The following EPM2A variants were observed in gnomAD, a reference collection of about 807,000 sequenced individuals.
EPM2A encodes the protein EPM2A glucan phosphatase, laforin, also known as laforin.
Under a neutral mutation model 26.5 loss-of-function variants are expected in EPM2A, and 21 were observed. The ratio of observed to expected loss-of-function variants is 0.79; its 90% CI spans 0.56 to 1.14. The LOEUF (loss-of-function observed/expected upper bound fraction) is 1.14, where lower values mean the gene tolerates loss of function less well. Among genes scored for constraint, EPM2A ranks in the 50% most tolerant of loss-of-function variants. The pLI is 0.00. For missense variants in EPM2A, 458 were observed against 440.8 expected (o/e 1.04, Z -0.35); for synonymous variants, 217 against 177.6 (o/e 1.22, Z -1.76).
At chr6:145,664,801 A>C (rs1289130061) in intron 2 of EPM2A, among the ~76,000 whole-genome samples, 1 of 152,082 alleles carries the variant, frequency 6.6e-6, no homozygotes, top group Admixed American at 6.5e-5. Context: ...AACAGAAATT[A>C]TAACAAACTG....
rs117539483 is a variant in EPM2A at position 145,467,818 on chromosome 6, T to C, written c.555+34704A>G. Among the ~76,000 whole-genome samples, 718 of 152,232 alleles carry C rather than the reference T, an allele frequency of 4.7e-3. 24 individuals are homozygous for C. In the East Asian group the frequency reaches 0.086, roughly 18 times the overall value. On this transcript the variant is annotated intron_variant, in intron 4 of 4. Coordinates refer to the EPM2A transcript ENST00000638717. ...TCGTAACAGTCTTTCAGATCTTTTG[T>C]TAGGTTTAATTCTCCCTGTTTTTTA...
intron 2 of EPM2A, among the ~76,000 whole-genome samples, chr6:145,682,875 T>A (rs1780644348): frequency 6.6e-6 from 1 of 152,166 alleles, no homozygotes; most frequent in South Asian, 2.1e-4. Context: ...AGTCTGTAAT[T>A]ACAAATTCTT....
At chr6:145,668,292 C>G (rs6570708) in intron 2 of EPM2A, among the ~76,000 whole-genome samples, 7 of 151,904 alleles carry the variant, frequency 4.6e-5, no homozygotes, top group African/African-American at 1.7e-4. Context: ...AAGCAATTAA[C>G]ATAATGGTCA....
At position 145,456,755 on chromosome 6, in the gene EPM2A, G is replaced by A. The variant is rs560640926; in HGVS notation, c.555+45767C>T. ...GTGATACATACTTACATGAACAACA[G>A]AATGAAAAGAAAACAAGAGCAAATA... On this transcript the variant is annotated intron_variant, in intron 4 of 4. Coordinates refer to the EPM2A transcript ENST00000638717. 8.5e-5 allele frequency among the ~76,000 whole-genome samples: 13 copies of A among 152,208 alleles called. No individual in the cohort carries two copies. In the South Asian group the frequency reaches 2.7e-3, roughly 32 times the overall value.
intron 4 of EPM2A, among the ~76,000 whole-genome samples, chr6:145,438,719 G>C (rs112553724): frequency 1.3e-5 from 2 of 152,002 alleles, no homozygotes; most frequent in Admixed American, 1.3e-4. Context: ...TGATCCACCC[G>C]CCTCAGCCTC....
chr6:145,507,455 C>T (rs1481135188), intron 2 of EPM2A, among the ~76,000 whole-genome samples: 1 of 152,146 alleles, frequency 6.6e-6, no homozygotes. Context: ...CACCTTTCCA[C>T]TAGGGATATG....
At chr6:145,706,144 C>A (rs1468590018) in intron 1 of EPM2A, among the ~76,000 whole-genome samples, 3 of 152,126 alleles carry the variant, frequency 2.0e-5, no homozygotes, top group Non-Finnish European at 4.4e-5. Context: ...CAGTTCTGGA[C>A]ATAGTACTTT....
chr6:145,727,434 T>C (rs1325555464), intron 1 of EPM2A, among the ~76,000 whole-genome samples: 1 of 152,064 alleles, frequency 6.6e-6, no homozygotes, highest in Non-Finnish European at 1.5e-5. Flanking sequence ...GAAATGAATA[T>C]CTGCCTTGCA....
intron 2 of EPM2A, among the ~76,000 whole-genome samples, chr6:145,535,091 A>G (rs1232308478): frequency 6.6e-6 from 1 of 152,162 alleles, no homozygotes; most frequent in East Asian, 1.9e-4. Context: ...AATTCAAACA[A>G]CAGAAAAAGA....
chr6:145,441,852 A>G (rs1320770720), intron 4 of EPM2A, among the ~76,000 whole-genome samples: 2 of 152,130 alleles, frequency 1.3e-5, no homozygotes, highest in Non-Finnish European at 1.5e-5. Context: ...ACAGAATGAG[A>G]CTCCATCTCA....
intron 2 of EPM2A, among the ~76,000 whole-genome samples, chr6:145,601,294 TC>T (rs932168789): frequency 7.2e-5 from 11 of 152,316 alleles, no homozygotes; most frequent in Non-Finnish European, 1.3e-4. Flanking sequence ...CTGTTGTTTT[TC>T]CCCTTTTTAT....
At chr6:145,634,823 G>C (rs1776526630) in intron 3 of EPM2A, 1 of 164,704 alleles carries the variant, frequency 6.1e-6, no homozygotes, top group African/African-American at 2.4e-5. Context: ...TTCTTGGCCT[G>C]ATTACCTGTA....
chr6:145,554,126 G>A (rs193058915), intron 2 of EPM2A, among the ~76,000 whole-genome samples: 2 of 151,864 alleles, frequency 1.3e-5, no homozygotes, highest in Non-Finnish European at 2.9e-5. Context: ...TGTGCTGGCT[G>A]CTGGGGATAC....
At chr6:145,551,811 C>A (rs1780659112) in intron 2 of EPM2A, among the ~76,000 whole-genome samples, 1 of 150,152 alleles carries the variant, frequency 6.7e-6, no homozygotes, top group Admixed American at 6.6e-5. Context: ...GAGGGATATA[C>A]CATAGAATCA....
chr6:145,660,587 A>G (rs1368153721), intron 2 of EPM2A, among the ~76,000 whole-genome samples: 1 of 152,172 alleles, frequency 6.6e-6, no homozygotes, highest in Non-Finnish European at 1.5e-5. Flanking sequence ...GGATCACCTG[A>G]GGTCAGGAAT....
At chr6:145,508,913 G>A (rs1321331962) in intron 2 of EPM2A, among the ~76,000 whole-genome samples, 1 of 151,886 alleles carries the variant, frequency 6.6e-6, no homozygotes, top group Non-Finnish European at 1.5e-5. Flanking sequence ...AGAACTTCTG[G>A]AATTGGAAAA....
intron 4 of EPM2A, among the ~76,000 whole-genome samples, chr6:145,449,090 T>A (rs1367259384): frequency 3.3e-5 from 5 of 152,254 alleles, no homozygotes; most frequent in African/African-American, 1.2e-4. Flanking sequence ...TGATGCAGAA[T>A]GTCTAATGAT....
chr6:145,513,940 C>T (rs1471682155), intron 2 of EPM2A, among the ~76,000 whole-genome samples: 2 of 152,144 alleles, frequency 1.3e-5, no homozygotes, highest in African/African-American at 4.8e-5. Context: ...TGCAAATAGG[C>T]AAGGAGCTCT....
At chr6:145,637,592 G>T (rs888277918) in intron 2 of EPM2A, 5 of 152,060 alleles carry the variant, frequency 3.3e-5, no homozygotes, top group Non-Finnish European at 7.4e-5. Context: ...AATGGCAAAA[G>T]ACTTAATGGT....
Sources: allele counts gnomAD v4.1 joint callset (sites outside exome capture counted in the v4.1 genomes callset), GRCh38; gene constraint gnomAD v4.1.1; transcripts MANE v1.5; gene names NCBI Gene and HGNC (gene_info 2026-07-23, HGNC 2026-07-21).